The following CDK6 variants were observed in gnomAD, a reference collection of about 807,000 sequenced individuals.
CDK6 encodes cyclin dependent kinase 6, also known as cyclin-dependent kinase 6.
In CDK6, 6 loss-of-function variants were observed where a neutral mutation model predicts 37.1. The observed-to-expected ratio is 0.16, with a 90% confidence interval of 0.09 to 0.32. The LOEUF (loss-of-function observed/expected upper bound fraction) is 0.32, where lower values mean the gene tolerates loss of function less well. CDK6 is among the 10% of genes least tolerant of loss of function. The pLI is 1.00. For missense variants in CDK6, 224 were observed against 418.9 expected, an observed-to-expected ratio of 0.53 and a Z score of 4.06; for synonymous variants, 160 against 161.3, an observed-to-expected ratio of 0.99 and a Z score of 0.06.
At chr7:92,721,785 A>G (rs1197640901) in intron 4 of CDK6, among the ~76,000 whole-genome samples, 2 of 152,234 alleles carry the variant, frequency 1.3e-5, no homozygotes, top group East Asian at 3.8e-4. Context: ...ACCAAAGGCC[A>G]ACATATGAAG....
At chr7:92,790,827 A>G (rs1286239841) in intron 2 of CDK6, among the ~76,000 whole-genome samples, 1 of 152,198 alleles carries the variant, frequency 6.6e-6, no homozygotes, top group Admixed American at 6.6e-5. Context: ...CAGAGTATCA[A>G]GAGTTACCCA....
chr7:92,725,151 G>C lies in CDK6; in HGVS notation c.537+475C>G, dbSNP rs373192142. On this transcript the variant is annotated intron_variant, in intron 4 of 7. Transcript: ENST00000424848. ...CGTTCATGCATCATCCAAGTTCACTGTGAATTTGATTTCTTCTTTACAGCT... is the reference window on the plus strand; with the variant it reads ...CGTTCATGCATCATCCAAGTTCACTCTGAATTTGATTTCTTCTTTACAGCT... 128 of 985,422 alleles carry C rather than the reference G, an allele frequency of 1.3e-4. No individual in the cohort carries two copies. The African/African-American group carries it at 2.1e-3, about 16-fold the overall frequency. 61.0% of individuals were successfully genotyped at this position (985,422 alleles called of 1,614,324 possible).
intron 2 of CDK6, among the ~76,000 whole-genome samples, chr7:92,824,170 A>T (rs1390799281): frequency 2.6e-5 from 4 of 152,068 alleles, no homozygotes; most frequent in African/African-American, 9.7e-5. Context: ...TTCACTAAAG[A>T]TTAGTGCCCC....
intron 6 of CDK6, among the ~76,000 whole-genome samples, chr7:92,620,246 T>C (rs1795779414): frequency 6.6e-6 from 1 of 152,184 alleles, no homozygotes; most frequent in Non-Finnish European, 1.5e-5. Context: ...CAAATAACTT[T>C]ATATAATTTT....
At chr7:92,646,053 C>A (rs1322408133) in intron 5 of CDK6, among the ~76,000 whole-genome samples, 1 of 152,212 alleles carries the variant, frequency 6.6e-6, no homozygotes. Flanking sequence ...GAATGCACTG[C>A]TATTTTTGTG....
intron 2 of CDK6, 143 bp from the exon 3 acceptor site, chr7:92,774,974 T>A (rs771867457): frequency 1.5e-6 from 1 of 687,790 alleles, no homozygotes; most frequent in Non-Finnish European, 2.3e-6. Flanking sequence ...TGTAAAGATA[T>A]CAAATGAGAT....
chr7:92,631,952 A>G (rs925419862), intron 5 of CDK6, among the ~76,000 whole-genome samples: 1 of 152,218 alleles, frequency 6.6e-6, no homozygotes, highest in African/African-American at 2.4e-5. Flanking sequence ...ATACAAAAGT[A>G]AGTCTGTCTA....
At position 92,833,378 on chromosome 7, in the gene CDK6, AACTAGCTGGCGGCCGCCGC is replaced by A; in HGVS notation, c.-74_-56del. On this transcript the variant is annotated 5_prime_UTR_variant, in exon 2 of 8. In the 5' UTR this introduces an upstream ATG that the reference lacks. Coordinates refer to ENST00000424848, the MANE Select transcript of CDK6 (RefSeq NM_001145306.2). This position sits in a 1 kb window ranked among gnomAD's most constrained non-coding sequence, Gnocchi z 6.1. ...GCTGGGGCGGGCGGGGGGTGCGCTC[AACTAGCTGGCGGCCGCCGC>A]TCGCCTACTCCGGGGCTCCCCGGAG... 7.7e-7 allele frequency: 1 copy of A among 1,301,036 alleles called. No individual in the cohort carries two copies. Among genetic ancestry groups the A allele is most frequent in the Non-Finnish European group, 1.0e-6 (1 of 960,666 alleles). 80.6% of individuals were successfully genotyped at this position (1,301,036 alleles called of 1,614,324 possible). A position where few individuals can be genotyped will look rare whatever the true frequency, so the allele number is the denominator to read the frequency against.
Position 92,614,268 on chromosome 7 carries a change from T to A in CDK6, c.*872A>T, listed in dbSNP as rs1438551146. 1.7e-5 allele frequency: 4 copies of A among 232,908 alleles called. No homozygotes were observed. The highest frequency in any genetic ancestry group is 3.4e-5 in the Non-Finnish European group (4 of 117,950). The allele number at this position is 232,908 out of a possible 1,614,324, so 14.4% of individuals were successfully genotyped here. A position where few individuals can be genotyped will look rare whatever the true frequency, so the allele number is the denominator to read the frequency against. Reference sequence around the variant, plus strand: ...AAATAAAGGCTTTCTATTCTTTTTTTTAAAATCTATCTGAGGTACACTCCC... The same window carrying A: ...AAATAAAGGCTTTCTATTCTTTTTTATAAAATCTATCTGAGGTACACTCCC... On this transcript the variant is annotated 3_prime_UTR_variant, in exon 8 of 8. Transcript: ENST00000424848.
chr7:92,686,708 G>A (rs1797463434), intron 4 of CDK6, among the ~76,000 whole-genome samples: 1 of 151,980 alleles, frequency 6.6e-6, no homozygotes, highest in Non-Finnish European at 1.5e-5. Context: ...TCTCCACACT[G>A]TTTTCTATAG....
chr7:92,645,080 G>A (rs1262008073), intron 5 of CDK6, among the ~76,000 whole-genome samples: 1 of 152,214 alleles, frequency 6.6e-6, no homozygotes, highest in Non-Finnish European at 1.5e-5. Flanking sequence ...TTGAGTGGCA[G>A]AAGGAAAAGT....
chr7:92,632,005 C>G (rs553434086), intron 5 of CDK6, among the ~76,000 whole-genome samples: 16 of 152,168 alleles, frequency 1.1e-4, no homozygotes, highest in Admixed American at 7.2e-4. Flanking sequence ...ATTACGGTAA[C>G]TAAAATGTGG....
intron 3 of CDK6, among the ~76,000 whole-genome samples, chr7:92,759,296 CT>C (rs1799393213): frequency 6.6e-6 from 1 of 152,102 alleles, no homozygotes; most frequent in South Asian, 2.1e-4. Flanking sequence ...AAGGCTAGGA[CT>C]TTGTTATTTT....
intron 2 of CDK6, among the ~76,000 whole-genome samples, chr7:92,779,689 G>T (rs185194115): frequency 6.6e-6 from 1 of 152,242 alleles, no homozygotes; most frequent in Non-Finnish European, 1.5e-5. Context: ...AGTACTCCAT[G>T]GAAGACATCT....
At chr7:92,622,784 C>T (rs1187408598) in intron 6 of CDK6, among the ~76,000 whole-genome samples, 1 of 151,694 alleles carries the variant, frequency 6.6e-6, no homozygotes, top group Non-Finnish European at 1.5e-5. Flanking sequence ...AGCTCAGCCA[C>T]ACGAAGAAAG....
chr7:92,664,958 T>G (rs1273222838), intron 5 of CDK6, among the ~76,000 whole-genome samples: 2 of 151,998 alleles, frequency 1.3e-5, no homozygotes, highest in African/African-American at 4.8e-5. Flanking sequence ...GCTAATTTTT[T>G]GTATTTTTAA....
In CDK6 at chr7:92,656,371, G is replaced by A. The variant is rs561824630; in HGVS notation, c.647+15055C>T. Among the ~76,000 whole-genome samples the A allele has an allele frequency of 3.5e-4, 53 of 152,070 alleles. 1 individual carries two copies. The highest frequency in any genetic ancestry group is 3.5e-3 in the Admixed American group (53 of 15,274). ...CAGCCACAGACCACTCCACAGCAAG[G>A]GCCCGTATGGAGTTACTTGGTTTGT... On this transcript the variant is annotated intron_variant, in intron 5 of 7. Transcript: ENST00000424848.
At chr7:92,754,317 A>G (rs1387849748) in intron 3 of CDK6, among the ~76,000 whole-genome samples, 1 of 152,176 alleles carries the variant, frequency 6.6e-6, no homozygotes, top group African/African-American at 2.4e-5. Context: ...TCCTGTACTC[A>G]TTAGTATTGA....
intron 5 of CDK6, among the ~76,000 whole-genome samples, chr7:92,663,023 T>C (rs531802986): frequency 2.6e-5 from 4 of 152,182 alleles, no homozygotes; most frequent in African/African-American, 7.2e-5. Context: ...GAGTCAGATT[T>C]GAAAGGAGTA....
Sources: allele counts gnomAD v4.1 joint callset (sites outside exome capture counted in the v4.1 genomes callset), GRCh38; gene constraint gnomAD v4.1.1; non-coding constraint Gnocchi (gnomAD v3.1); transcripts MANE v1.5; gene names NCBI Gene and HGNC (gene_info 2026-07-23, HGNC 2026-07-21).